The following TNFSF4 variants were observed in gnomAD, a reference collection of about 807,000 sequenced individuals.
TNFSF4 encodes TNF superfamily member 4.
TNFSF4 carries 4 observed loss-of-function variants against 7.3 expected under a neutral mutation model. The ratio of observed to expected loss-of-function variants is 0.55; its 90% CI spans 0.27 to 1.25. TNFSF4 has a LOEUF of 1.25. Among genes scored for constraint, TNFSF4 ranks in the 50% most tolerant of loss-of-function variants. The pLI, the probability that TNFSF4 is intolerant of heterozygous loss-of-function variation, is 0.12. For synonymous variants in TNFSF4, 76 were observed against 83.7 expected (o/e 0.91, Z 0.50); for missense variants, 181 against 208.8 (o/e 0.87, Z 0.82).
At chr1:173,333,308 A>C in the TNFSF4 span, among the ~76,000 whole-genome samples, 2 of 100,322 alleles carry the variant, frequency 2.0e-5, no homozygotes. Flanking sequence ...GGCCCCATCC[A>C]ATCAGCTGAA....
chr1:173,399,483 T>C, the TNFSF4 span, among the ~76,000 whole-genome samples: 2 of 152,166 alleles, frequency 1.3e-5, no homozygotes, highest in African/African-American at 2.4e-5. Flanking sequence ...CATAGAAGTA[T>C]ACAGTAATTC....
At chr1:173,331,729 A>G in the TNFSF4 span, among the ~76,000 whole-genome samples, 1 of 152,238 alleles carries the variant, frequency 6.6e-6, no homozygotes, top group Non-Finnish European at 1.5e-5. Context: ...GTCAGAAGAC[A>G]TGAGTTCTAT....
the TNFSF4 span, among the ~76,000 whole-genome samples, chr1:173,384,693 T>C: frequency 1.3e-5 from 2 of 152,192 alleles, no homozygotes; most frequent in Non-Finnish European, 2.9e-5. Flanking sequence ...AAATTTTTAA[T>C]ATACAACTTA....
chr1:173,182,997 T>C (rs1649083378), downstream of TNFSF4, among the ~76,000 whole-genome samples: 2 of 152,208 alleles, frequency 1.3e-5, no homozygotes, highest in South Asian at 4.1e-4. Flanking sequence ...GTTTCTGTTT[T>C]TGGTTTTGTT....
chr1:173,279,018 T>G, the TNFSF4 span, among the ~76,000 whole-genome samples: 1 of 152,090 alleles, frequency 6.6e-6, no homozygotes, highest in Admixed American at 6.6e-5. Context: ...ACTTGTCCAG[T>G]GGGCATAAAT....
chr1:173,401,496 G>A, the TNFSF4 span, among the ~76,000 whole-genome samples: 11 of 152,238 alleles, frequency 7.2e-5, no homozygotes, highest in African/African-American at 2.6e-4. Context: ...CCAGTCTGTT[G>A]AGGACATGAA....
chr1:173,233,460 AT>A, the TNFSF4 span, among the ~76,000 whole-genome samples: 25 of 152,210 alleles, frequency 1.6e-4, no homozygotes, highest in Non-Finnish European at 2.8e-4. Context: ...CAACATTCAA[AT>A]TCGGGAAATA....
intron 1 of TNFSF4, among the ~76,000 whole-genome samples, chr1:173,202,283 T>C (rs557974579): frequency 6.6e-6 from 1 of 152,150 alleles, no homozygotes; most frequent in Admixed American, 6.5e-5. Flanking sequence ...GATCTATATG[T>C]GCATACACGT....
In TNFSF4 at chr1:173,207,223, C is replaced by G. The variant is rs369775833; in HGVS notation, c.-47G>C. ...AAGATGAAGATATGGAAAAGGGGAA[C>G]GTGCGATAAAACTGAAGTTTTCCCC... On this transcript the variant is annotated 5_prime_UTR_variant, in exon 1 of 3. Transcript: ENST00000281834. The G allele has an allele frequency of 3.9e-6, 6 of 1,551,386 alleles. No individual in the cohort carries two copies. The highest frequency in any genetic ancestry group is 1.4e-5 in the African/African-American group (1 of 73,366).
At chr1:173,407,559 C>CAAAAAAA in the TNFSF4 span, among the ~76,000 whole-genome samples, 1 of 72,032 alleles carries the variant, frequency 1.4e-5, no homozygotes, top group African/African-American at 5.7e-5. Context: ...GACTCTGCCT[C>CAAAAAAA]AAAAAAAAAA....
chr1:173,379,328 G>T, the TNFSF4 span, among the ~76,000 whole-genome samples: 1 of 151,758 alleles, frequency 6.6e-6, no homozygotes. Flanking sequence ...GGACTAAGGA[G>T]AATTAGGAAA....
chr1:173,179,831 A>G (rs1420115843), downstream of TNFSF4, among the ~76,000 whole-genome samples: 1 of 152,230 alleles, frequency 6.6e-6, no homozygotes, highest in Non-Finnish European at 1.5e-5. Context: ...CAAAATAAGA[A>G]AGAAGCTAAT....
chr1:173,345,345 G>A, the TNFSF4 span, among the ~76,000 whole-genome samples: 2 of 152,170 alleles, frequency 1.3e-5, no homozygotes, highest in African/African-American at 4.8e-5. Context: ...ACTGGCTTTG[G>A]CATTGCCAAT....
chr1:173,310,856 T>C, the TNFSF4 span, among the ~76,000 whole-genome samples: 12 of 152,024 alleles, frequency 7.9e-5, no homozygotes, highest in Admixed American at 3.3e-4. Flanking sequence ...TTGAAACTTA[T>C]TGAGCCTGCC....
chr1:173,222,429 C>A, the TNFSF4 span, among the ~76,000 whole-genome samples: 3 of 152,162 alleles, frequency 2.0e-5, no homozygotes, highest in Admixed American at 2.0e-4. Context: ...TACAATCAGG[C>A]AATTGAGATC....
chr1:173,306,352 GT>G, the TNFSF4 span, among the ~76,000 whole-genome samples: 43,187 of 151,732 alleles, frequency 0.28, 6,485 homozygotes, highest in Non-Finnish European at 0.33. Context: ...AAAGATGGGG[GT>G]AATCATATTA....
chr1:173,407,345 G>C, the TNFSF4 span, among the ~76,000 whole-genome samples: 1 of 151,776 alleles, frequency 6.6e-6, no homozygotes, highest in African/African-American at 2.4e-5. Flanking sequence ...AGGCCAAGGT[G>C]GGCAAATCAC....
At chr1:173,362,401 T>A in the TNFSF4 span, 1 of 439,408 alleles carries the variant, frequency 2.3e-6, no homozygotes, top group Non-Finnish European at 4.4e-6. Flanking sequence ...TCCAGAAGAA[T>A]GGCTGTTGCT....
chr1:173,224,779 T>A, the TNFSF4 span, among the ~76,000 whole-genome samples: 1 of 152,180 alleles, frequency 6.6e-6, no homozygotes, highest in African/African-American at 2.4e-5. Context: ...GGGAGTAGGC[T>A]TGCAATGCTA....
Sources: allele counts gnomAD v4.1 joint callset (sites outside exome capture counted in the v4.1 genomes callset), GRCh38; gene constraint gnomAD v4.1.1; transcripts MANE v1.5; gene names NCBI Gene and HGNC (gene_info 2026-07-23, HGNC 2026-07-21).